APLP2: variants seen among roughly 807,000 people sequenced by gnomAD.
APLP2 encodes CDEI box-binding protein.
Under a neutral mutation model 89.9 loss-of-function variants are expected in APLP2, and 53 were observed. That is an observed-to-expected ratio of 0.59 (90% CI 0.47 to 0.74). APLP2 has a LOEUF of 0.74. APLP2 is among the 30% of genes least tolerant of loss of function. The pLI, the probability that APLP2 is intolerant of heterozygous loss-of-function variation, is 0.00. For synonymous variants in APLP2, 372 were observed against 348.6 expected (o/e 1.07, Z -0.75); for missense variants, 973 against 975.9 (o/e 1.00, Z 0.04).
At chr11:130,107,293 C>T (rs984989951) in intron 1 of APLP2, among the ~76,000 whole-genome samples, 3 of 152,214 alleles carry the variant, frequency 2.0e-5, no homozygotes, top group African/African-American at 4.8e-5. Context: ...CGAGGACAGA[C>T]TGCAGTTGGA....
At chr11:130,130,312 C>A (rs957565734) in intron 11 of APLP2, 146 bp downstream of exon 11, 3 of 1,092,482 alleles carry the variant, frequency 2.7e-6, no homozygotes, top group Non-Finnish European at 1.3e-6. Context: ...ACATTCGGTA[C>A]GTGAACTGGT....
At chr11:130,087,331 T>C (rs947967156) in intron 1 of APLP2, among the ~76,000 whole-genome samples, 3 of 152,216 alleles carry the variant, frequency 2.0e-5, no homozygotes, top group African/African-American at 7.2e-5. Flanking sequence ...ACCTTCCTTG[T>C]GTCTTAAATT....
At chr11:130,139,819 G>A (rs1952125246) in intron 13 of APLP2, among the ~76,000 whole-genome samples, 1 of 152,190 alleles carries the variant, frequency 6.6e-6, no homozygotes, top group Non-Finnish European at 1.5e-5. Context: ...ATTCAGCGTG[G>A]TGGGAGATGC....
chr11:130,134,184 G>T (rs1253374713), intron 12 of APLP2, among the ~76,000 whole-genome samples: 1 of 152,220 alleles, frequency 6.6e-6, no homozygotes, highest in African/African-American at 2.4e-5. Flanking sequence ...GATGGTACCT[G>T]CTGGAGTTGA....
At chr11:130,080,693 CT>C (rs2135401975) in intron 1 of APLP2, among the ~76,000 whole-genome samples, 1 of 144,110 alleles carries the variant, frequency 6.9e-6, no homozygotes, top group East Asian at 2.1e-4. Context: ...TCTGATTTAT[CT>C]TTCTTTTTTT....
chr11:130,109,615 C>T lies in APLP2; in HGVS notation c.279+13C>T. ...GTACTGTCAGGAGGTAAGAGTGTTG[C>T]CAGTAAGTTGAAAGTGTTATTTTTC... On this transcript the variant is annotated intron_variant, in intron 2 of 16. Transcript: ENST00000338167. The T allele has an allele frequency of 6.3e-7, 1 of 1,597,420 alleles. No homozygotes were observed.
intron 1 of APLP2, among the ~76,000 whole-genome samples, chr11:130,104,439 G>A (rs1591799874): frequency 1.3e-5 from 2 of 151,854 alleles, no homozygotes; most frequent in African/African-American, 2.4e-5. Flanking sequence ...GGCTGGTCTC[G>A]AGCTCCTGAC....
At chr11:130,132,837 C>T (rs1591841324) in intron 11 of APLP2, among the ~76,000 whole-genome samples, 1 of 152,146 alleles carries the variant, frequency 6.6e-6, no homozygotes, top group African/African-American at 2.4e-5. Context: ...ATAATGGTTC[C>T]CTCTGTTGCC....
At chr11:130,108,130 A>T (rs976873410) in intron 1 of APLP2, among the ~76,000 whole-genome samples, 4 of 152,228 alleles carry the variant, frequency 2.6e-5, no homozygotes, top group African/African-American at 9.6e-5. Context: ...AAACCTAGGC[A>T]ATACCATTCA....
At chr11:130,090,636 A>G (rs1234516012) in intron 1 of APLP2, among the ~76,000 whole-genome samples, 1 of 152,156 alleles carries the variant, frequency 6.6e-6, no homozygotes, top group South Asian at 2.1e-4. Flanking sequence ...AGTGCAGAAC[A>G]AAATGAAAAG....
intron 1 of APLP2, among the ~76,000 whole-genome samples, chr11:130,104,715 G>T (rs575199360): frequency 1.3e-5 from 2 of 152,042 alleles, no homozygotes; most frequent in Admixed American, 6.5e-5. Context: ...GTAGCTTCAC[G>T]TGCATTCATA....
intron 1 of APLP2, among the ~76,000 whole-genome samples, chr11:130,077,215 G>A (rs1198122747): frequency 2.0e-5 from 3 of 152,150 alleles, no homozygotes; most frequent in Admixed American, 6.5e-5. Context: ...ATCACAATGC[G>A]TTTGTTAGAT....
intron 5 of APLP2, among the ~76,000 whole-genome samples, 154 bp from the exon 6 acceptor site, chr11:130,122,151 T>C (rs964036946): frequency 5.3e-5 from 8 of 152,232 alleles, no homozygotes; most frequent in Non-Finnish European, 1.2e-4. Flanking sequence ...CGTTTGCTGA[T>C]GTAGCTGGGC....
chr11:130,076,029 G>A (rs530785218), intron 1 of APLP2, among the ~76,000 whole-genome samples: 44 of 151,910 alleles, frequency 2.9e-4, no homozygotes, highest in African/African-American at 1.0e-3. Flanking sequence ...TTTTTCTTTC[G>A]CATCATTCAA....
In APLP2 at chr11:130,108,787, C is replaced by T. The variant is rs55976221; in HGVS notation, c.106-642C>T. The T allele has an allele frequency of 3.1e-3, 473 of 152,314 alleles. 2 individuals carry two copies. The highest frequency in any genetic ancestry group is 6.6e-3 in the Admixed American group (101 of 15,296). 9.4% of individuals were successfully genotyped at this position (152,314 alleles called of 1,614,324 possible). On this transcript the variant is annotated intron_variant, in intron 1 of 16. Coordinates refer to ENST00000338167, the MANE Select transcript of APLP2 (RefSeq NM_001142276.2). ...TTCATTGCAGCACTATTCACAATAG[C>T]AAAGACTTGGAACCAACCCAAATGT... is the stretch of plus-strand genomic sequence containing the variant.
intron 3 of APLP2, among the ~76,000 whole-genome samples, chr11:130,112,529 TTTTTTAGC>T (rs555794378): frequency 1.0e-3 from 140 of 138,632 alleles, no homozygotes; most frequent in African/African-American, 3.6e-3. Flanking sequence ...TTTCGGTACT[TTTTTTAGC>T]CTAGGAATCC....
rs189663800 is a variant in APLP2 at position 130,097,685 on chromosome 11, A to G, written c.106-11744A>G. ...AGAGTGAAACTCTGGCTCAGAAACA[A>G]CAACAACAAAATACCCACAAGAAAA... On this transcript the variant is annotated intron_variant, in intron 1 of 16. Coordinates refer to ENST00000338167, the MANE Select transcript of APLP2 (RefSeq NM_001142276.2). 2.6e-5 allele frequency among the ~76,000 whole-genome samples: 4 copies of G among 152,344 alleles called. No individual in the cohort carries two copies. The East Asian group carries it at 7.7e-4, about 29-fold the overall frequency.
chr11:130,071,042 C>T (rs1015178286), intron 1 of APLP2, among the ~76,000 whole-genome samples: 4 of 152,224 alleles, frequency 2.6e-5, no homozygotes, highest in Admixed American at 2.6e-4. Flanking sequence ...TACTTCCCTT[C>T]TCGAAGTGGT....
chr11:130,135,771 A>T (rs975427016), intron 13 of APLP2, 56 bp downstream of exon 13: 2 of 1,596,682 alleles, frequency 1.3e-6, no homozygotes, highest in Admixed American at 1.7e-5. Context: ...AAAATGAGAG[A>T]ATTGAAGTCA....
Sources: allele counts gnomAD v4.1 joint callset (sites outside exome capture counted in the v4.1 genomes callset), GRCh38; gene constraint gnomAD v4.1.1; transcripts MANE v1.5; gene names NCBI Gene and HGNC (gene_info 2026-07-23, HGNC 2026-07-21).